NRIP1: variants seen among roughly 807,000 people sequenced by gnomAD.
NRIP1 encodes the protein nuclear receptor interacting protein 1, also known as nuclear receptor-interacting protein 1.
Under a neutral mutation model 75.0 loss-of-function variants are expected in NRIP1, and 28 were observed. The ratio of observed to expected loss-of-function variants is 0.37; its 90% CI spans 0.28 to 0.51. The LOEUF is 0.51. Ranked by LOEUF, NRIP1 falls within the 20% of genes least tolerant of loss-of-function variation. The pLI is 0.92. For synonymous variants in NRIP1, 526 were observed against 487.6 expected (o/e 1.08, Z -1.04); for missense variants, 1,435 against 1,343.7 (o/e 1.07, Z -1.06).
At chr21:14,971,958 G>T (rs894037396) in intron 3 of NRIP1, among the ~76,000 whole-genome samples, 2 of 152,064 alleles carry the variant, frequency 1.3e-5, no homozygotes, top group Non-Finnish European at 2.9e-5. Flanking sequence ...CCTATAAAAC[G>T]TACCAATTAC....
chr21:15,000,897 C>T (rs1217487810), intron 3 of NRIP1, among the ~76,000 whole-genome samples: 2 of 152,036 alleles, frequency 1.3e-5, no homozygotes, highest in Non-Finnish European at 2.9e-5. Flanking sequence ...GACAATATGA[C>T]CTCAAATAGT....
At chr21:14,995,768 T>C (rs893122733) in intron 3 of NRIP1, among the ~76,000 whole-genome samples, 3 of 144,070 alleles carry the variant, frequency 2.1e-5, no homozygotes, top group Middle Eastern at 3.6e-3. Flanking sequence ...TGTGTGTGCG[T>C]GTGTGTGTGT....
At chr21:15,026,905 C>T (rs980812042) in intron 2 of NRIP1, among the ~76,000 whole-genome samples, 5 of 151,988 alleles carry the variant, frequency 3.3e-5, no homozygotes, top group African/African-American at 1.2e-4. Flanking sequence ...GGGTTGTTTG[C>T]AACTAAATGT....
At chr21:15,052,338 G>A (rs1009620854) in intron 1 of NRIP1, 1 of 152,084 alleles carries the variant, frequency 6.6e-6, no homozygotes, top group Non-Finnish European at 1.5e-5. Flanking sequence ...ATTATCCTTC[G>A]CCATCCTCTA....
chr21:14,995,023 T>TA (rs1437510225), intron 3 of NRIP1, among the ~76,000 whole-genome samples: 3 of 152,136 alleles, frequency 2.0e-5, no homozygotes, highest in Non-Finnish European at 4.4e-5. Flanking sequence ...TAAGTAACAA[T>TA]AAAAACCCAA....
intron 2 of NRIP1, among the ~76,000 whole-genome samples, chr21:15,018,987 C>T (rs1021482080): frequency 6.6e-6 from 1 of 151,898 alleles, no homozygotes; most frequent in Non-Finnish European, 1.5e-5. Flanking sequence ...TCCCTCTTCC[C>T]TATGTGTAGT....
intron 2 of NRIP1, among the ~76,000 whole-genome samples, chr21:15,019,945 CAT>C (rs762343802): frequency 2.0e-5 from 3 of 152,214 alleles, no homozygotes; most frequent in African/African-American, 4.8e-5. Flanking sequence ...AGGAGTAAAA[CAT>C]GTGCACTCAA....
chr21:15,009,357 A>C (rs2147151238), intron 3 of NRIP1, among the ~76,000 whole-genome samples: 1 of 152,354 alleles, frequency 6.6e-6, no homozygotes. Flanking sequence ...TGAAGTTATA[A>C]GGATAACTAA....
Position 14,964,588 on chromosome 21 carries a change from A to G in NRIP1, c.*128T>C, listed in dbSNP as rs968230847. On this transcript the variant is annotated 3_prime_UTR_variant, in exon 4 of 4. Coordinates refer to ENST00000318948, the MANE Select transcript of NRIP1 (RefSeq NM_003489.4). ...CATATTTCAACATCACCAGTAACCA[A>G]TACTTTTCAAAATGAAAAAAGTTTC... The G allele has an allele frequency of 1.3e-6, 1 of 766,128 alleles. No individual in the cohort carries two copies. Among genetic ancestry groups the G allele is most frequent in the African/African-American group, 1.8e-5 (1 of 56,872 alleles). 47.5% of individuals were successfully genotyped at this position (766,128 alleles called of 1,614,324 possible).
At chr21:14,987,530 G>A (rs1322815025) in intron 3 of NRIP1, among the ~76,000 whole-genome samples, 1 of 152,142 alleles carries the variant, frequency 6.6e-6, no homozygotes, top group Non-Finnish European at 1.5e-5. Context: ...TGTTGACAGG[G>A]GCTTAGCAAA....
chr21:14,982,956 TA>T lies in NRIP1; in HGVS notation c.-334-14431del, dbSNP rs1202443137. On this transcript the variant is annotated intron_variant, in intron 3 of 3. Coordinates refer to ENST00000318948, the MANE Select transcript of NRIP1 (RefSeq NM_003489.4). ...TGTGCCCATATCACAGCATACTTAA[TA>T]AATATGTATGTTCTGATTGCTCCAC... 8.5e-5 allele frequency among the ~76,000 whole-genome samples: 13 copies of T among 152,154 alleles called. 2 individuals carry two copies. The highest frequency in any genetic ancestry group is 8.5e-4 in the Admixed American group (13 of 15,276).
At chr21:15,040,501 G>C (rs2088928331) in intron 2 of NRIP1, among the ~76,000 whole-genome samples, 1 of 151,910 alleles carries the variant, frequency 6.6e-6, no homozygotes, top group African/African-American at 2.4e-5. Flanking sequence ...AAACACAAAG[G>C]TCACAAGAAA....
rs546256624 is a variant in NRIP1, at chr21:15,023,828, C to T, written c.-457-9362G>A. Reference sequence around the variant, plus strand: ...TAAAGTTCTAATAATTAAGCTAGTGCGCTCCTGGAAAGGAGAAAAACAAAT... The same window carrying T: ...TAAAGTTCTAATAATTAAGCTAGTGTGCTCCTGGAAAGGAGAAAAACAAAT... On this transcript the variant is annotated intron_variant, in intron 2 of 3. Coordinates refer to ENST00000318948, the MANE Select transcript of NRIP1 (RefSeq NM_003489.4). Among the ~76,000 whole-genome samples, 22 of 152,252 alleles carry T rather than the reference C, an allele frequency of 1.4e-4. No individual in the cohort carries two copies. In the South Asian group the frequency reaches 1.7e-3, roughly 11 times the overall value.
intron 2 of NRIP1, among the ~76,000 whole-genome samples, chr21:15,031,540 G>C (rs1030103623): frequency 8.4e-5 from 11 of 130,764 alleles, no homozygotes; most frequent in Admixed American, 2.4e-4. Flanking sequence ...CTGGAAGGCG[G>C]TTGGAGGTTC....
At chr21:15,038,366 T>C (rs900397212) in intron 2 of NRIP1, among the ~76,000 whole-genome samples, 6 of 152,016 alleles carry the variant, frequency 3.9e-5, no homozygotes, top group African/African-American at 1.4e-4. Flanking sequence ...ATACTTCTCT[T>C]TCCAAAGAGG....
chr21:14,968,873 T>C (rs1046033515), intron 3 of NRIP1, among the ~76,000 whole-genome samples: 1 of 152,196 alleles, frequency 6.6e-6, no homozygotes, highest in Non-Finnish European at 1.5e-5. Flanking sequence ...GTCTCCTTTA[T>C]AGCTTTATAG....
chr21:14,972,589 G>A (rs2086932393), intron 3 of NRIP1, among the ~76,000 whole-genome samples: 1 of 152,148 alleles, frequency 6.6e-6, no homozygotes. Flanking sequence ...GTTGCCAGGT[G>A]TATTCTTGAG....
chr21:14,963,668 A>AG lies in NRIP1; in HGVS notation c.*1047dup, dbSNP rs1568932421. The AG allele has an allele frequency of 6.6e-6, 1 of 152,000 alleles. No homozygotes were observed. Among genetic ancestry groups the AG allele is most frequent in the Non-Finnish European group, 1.5e-5 (1 of 67,984 alleles). The allele number at this position is 152,000 out of a possible 1,614,324, so 9.4% of individuals were successfully genotyped here. ...GAGAGCATGTTAAGATGCAGATGGA[A>AG]GATTCCAGGTCCACTTAGCAGAGAT... On this transcript the variant is annotated 3_prime_UTR_variant, in exon 4 of 4. Coordinates refer to ENST00000318948, the MANE Select transcript of NRIP1 (RefSeq NM_003489.4).
At position 14,995,260 on chromosome 21, in the gene NRIP1, C is replaced by T. The variant is rs145683481; in HGVS notation, c.-335+19084G>A. ...ATTTGCTTACCAGTATTAACCTTGG[C>T]AGCTTGCATTTAATTAAGTCTCAGT... On this transcript the variant is annotated intron_variant, in intron 3 of 3. Coordinates refer to ENST00000318948, the MANE Select transcript of NRIP1 (RefSeq NM_003489.4). Among the ~76,000 whole-genome samples the T allele has an allele frequency of 1.9e-3, 285 of 152,236 alleles. 1 individual carries two copies. The highest frequency in any genetic ancestry group is 2.9e-3 in the East Asian group (15 of 5,176).
Sources: gnomAD v4.1 joint callset for allele counts (sites outside exome capture counted in the v4.1 genomes callset) on GRCh38, gnomAD v4.1.1 for gene constraint, MANE v1.5 for transcripts, NCBI Gene and HGNC (gene_info 2026-07-23, HGNC 2026-07-21) for gene names.